ZBTB44: variants seen among roughly 807,000 people sequenced by gnomAD.
ZBTB44 encodes zinc finger and BTB domain-containing protein 44.
In ZBTB44, 15 loss-of-function variants were observed where a neutral mutation model predicts 54.0. The ratio of observed to expected loss-of-function variants is 0.28; its 90% CI spans 0.19 to 0.43. The LOEUF (loss-of-function observed/expected upper bound fraction) is 0.43, where lower values mean the gene tolerates loss of function less well. ZBTB44 is among the 20% of genes least tolerant of loss of function. The pLI, the probability that ZBTB44 is intolerant of heterozygous loss-of-function variation, is 1.00. For missense variants in ZBTB44, 487 were observed against 707.1 expected, an observed-to-expected ratio of 0.69 and a Z score of 3.53; for synonymous variants, 230 against 250.1, an observed-to-expected ratio of 0.92 and a Z score of 0.76.
At chr11:130,298,455 GTT>G (rs996057514) in intron 1 of ZBTB44, among the ~76,000 whole-genome samples, 5,445 of 116,310 alleles carry the variant, frequency 0.047, 256 homozygotes, top group African/African-American at 0.13. Context: ...AAAAGTTGAA[GTT>G]TTTTTTTTTT....
chr11:130,308,283 C>G (rs955887652), intron 1 of ZBTB44, among the ~76,000 whole-genome samples: 3 of 152,198 alleles, frequency 2.0e-5, no homozygotes, highest in East Asian at 3.8e-4. Context: ...AACATATCCC[C>G]GTTGCAATCT....
rs748275843 is a variant in ZBTB44 at position 130,260,839 on chromosome 11, C to T, written c.1018+17G>A. ...ATTGACTTTATAGCACCAAGAAAAA[C>T]ACAGAAGGCATTATACCTATAGAGG... On this transcript the variant is annotated intron_variant, in intron 2 of 7. Coordinates refer to ENST00000357899, the MANE Select transcript of ZBTB44 (RefSeq NM_001301098.2). 6 of 1,569,568 alleles carry T rather than the reference C, an allele frequency of 3.8e-6. No homozygotes were observed. The East Asian group carries it at 1.4e-4, about 35-fold the overall frequency.
At chr11:130,286,564 T>C (rs952674471) in intron 1 of ZBTB44, among the ~76,000 whole-genome samples, 1 of 152,248 alleles carries the variant, frequency 6.6e-6, no homozygotes, top group African/African-American at 2.4e-5. Flanking sequence ...CATTTGAATC[T>C]TCTGACACAT....
intron 2 of ZBTB44, 76 bp from the exon 3 acceptor site, chr11:130,239,972 T>C (rs923454559): frequency 1.0e-6 from 1 of 987,480 alleles, no homozygotes; most frequent in African/African-American, 1.6e-5. Flanking sequence ...AGCTATATTA[T>C]ATCTAAGCCT....
chr11:130,290,693 T>C (rs943597326), intron 1 of ZBTB44, among the ~76,000 whole-genome samples: 7 of 152,214 alleles, frequency 4.6e-5, no homozygotes, highest in African/African-American at 1.7e-4. Context: ...TCAACAGTAC[T>C]TGGTACTTTT....
chr11:130,226,701 T>C lies in ZBTB44; in HGVS notation c.*5063A>G, dbSNP rs2136229555. On this transcript the variant is annotated 3_prime_UTR_variant, in exon 8 of 8. Coordinates refer to ENST00000357899, the MANE Select transcript of ZBTB44 (RefSeq NM_001301098.2). Reference sequence around the variant, plus strand: ...GTTTTATTCCATAAAGCATAAGATATTTTAATGAGAAAACGAAAACAAAAT... The same window carrying C: ...GTTTTATTCCATAAAGCATAAGATACTTTAATGAGAAAACGAAAACAAAAT... 2 of 152,324 alleles carry C rather than the reference T, an allele frequency of 1.3e-5. No homozygotes were observed. Among genetic ancestry groups the C allele is most frequent in the South Asian group, 2.1e-4 (1 of 4,826 alleles). 9.4% of individuals were successfully genotyped at this position (152,324 alleles called of 1,614,324 possible).
intron 2 of ZBTB44, among the ~76,000 whole-genome samples, chr11:130,248,168 T>C (rs1937683353): frequency 6.6e-6 from 1 of 152,230 alleles, no homozygotes; most frequent in Admixed American, 6.5e-5. Context: ...TTAAATACTC[T>C]TATGGAACTT....
At chr11:130,308,095 T>A (rs1942378863) in intron 1 of ZBTB44, among the ~76,000 whole-genome samples, 1 of 152,204 alleles carries the variant, frequency 6.6e-6, no homozygotes, top group South Asian at 2.1e-4. Flanking sequence ...TACTTTCCAC[T>A]GCATTACAAA....
intron 2 of ZBTB44, among the ~76,000 whole-genome samples, chr11:130,252,315 A>G (rs1298792515): frequency 1.3e-5 from 2 of 152,200 alleles, no homozygotes; most frequent in Admixed American, 1.3e-4. Flanking sequence ...AGACCCCCAC[A>G]CAATAATAGT....
chr11:130,286,853 A>G (rs1287416825), intron 1 of ZBTB44, among the ~76,000 whole-genome samples: 1 of 152,228 alleles, frequency 6.6e-6, no homozygotes, highest in African/African-American at 2.4e-5. Context: ...ATTCAATGAG[A>G]TGAGTCTATG....
chr11:130,233,522 A>C, intron 6 of ZBTB44, 140 bp from the exon 7 acceptor site: 1 of 1,441,140 alleles, frequency 6.9e-7, no homozygotes, highest in Non-Finnish European at 9.0e-7. Flanking sequence ...GCTTACCATA[A>C]ATACTTCCAA....
intron 1 of ZBTB44, chr11:130,296,145 C>A: frequency 6.8e-7 from 1 of 1,463,436 alleles, no homozygotes; most frequent in Non-Finnish European, 9.5e-7. Flanking sequence ...TTTCTGCCAC[C>A]CAAACTCGAA....
chr11:130,256,404 G>A (rs1938448593), intron 2 of ZBTB44, among the ~76,000 whole-genome samples: 6 of 152,170 alleles, frequency 3.9e-5, no homozygotes, highest in Admixed American at 3.9e-4. Context: ...CTGGCTGGGC[G>A]TGGTGGCTCA....
intron 1 of ZBTB44, among the ~76,000 whole-genome samples, chr11:130,305,743 TAA>T (rs1286266041): frequency 2.6e-5 from 4 of 151,668 alleles, no homozygotes; most frequent in Non-Finnish European, 5.9e-5. Flanking sequence ...GCAACAAAAA[TAA>T]ATGGGACCTA....
rs775324827 is a variant in ZBTB44 at position 130,236,942 on chromosome 11, G to A, written c.1419C>T (p.His473=). ...TFTSFGEYKH[H]MRVSRHIIRK... ...GGATAATGTGCCGGGAAACCCTCAT[G>A]TGGTGTTTATATTCCCCGAAGGAAG... Residue 473 remains histidine, a synonymous_variant, in exon 5 of 8, where the codon CAC becomes CAT. Transcript: ENST00000357899. 1.2e-6 allele frequency: 2 copies of A among 1,611,952 alleles called. No individual in the cohort carries two copies. Among genetic ancestry groups the A allele is most frequent in the Non-Finnish European group, 1.7e-6 (2 of 1,179,214 alleles).
intron 1 of ZBTB44, 133 bp from the exon 2 acceptor site, chr11:130,262,062 G>T: frequency 1.5e-6 from 1 of 648,496 alleles, no homozygotes; most frequent in South Asian, 2.2e-5. Context: ...TTCAAGGTAG[G>T]GACTGTATAG....
chr11:130,250,063 C>T (rs930991712), intron 2 of ZBTB44, among the ~76,000 whole-genome samples: 2 of 152,286 alleles, frequency 1.3e-5, no homozygotes, highest in Admixed American at 6.5e-5. Context: ...TGACCTGGGA[C>T]GATCAAGCTT....
intron 1 of ZBTB44, among the ~76,000 whole-genome samples, chr11:130,269,238 G>A (rs981443248): frequency 2.6e-5 from 4 of 151,264 alleles, no homozygotes; most frequent in East Asian, 2.0e-4. Context: ...GCAGTGAGCC[G>A]AGATCACACT....
intron 1 of ZBTB44, among the ~76,000 whole-genome samples, chr11:130,299,159 C>G (rs1185221542): frequency 6.6e-6 from 1 of 152,018 alleles, no homozygotes; most frequent in Non-Finnish European, 1.5e-5. Flanking sequence ...ACATTCTTTT[C>G]AAGTGCAAAG....
Sources: gnomAD v4.1 joint callset for allele counts (sites outside exome capture counted in the v4.1 genomes callset) on GRCh38, gnomAD v4.1.1 for gene constraint, MANE v1.5 for transcripts, NCBI Gene and HGNC (gene_info 2026-07-23, HGNC 2026-07-21) for gene names.